Variants in TNIK observed in about 807,000 individuals in gnomAD.
TNIK encodes the protein TRAF2 and NCK-interacting protein kinase.
Under a neutral mutation model 191.3 loss-of-function variants are expected in TNIK, and 49 were observed. That is an observed-to-expected ratio of 0.26 (90% CI 0.20 to 0.32). TNIK has a LOEUF of 0.32. Among genes scored for constraint, TNIK ranks in the 10% least tolerant of loss-of-function variants. TNIK has a pLI of 1.00. For synonymous variants in TNIK, 594 were observed against 600.9 expected (o/e 0.99, Z 0.17); for missense variants, 1,155 against 1,702.3 (o/e 0.68, Z 5.66).
intron 18 of TNIK, among the ~76,000 whole-genome samples, chr3:171,118,204 T>G (rs1727071116): frequency 6.6e-6 from 1 of 152,016 alleles, no homozygotes. Flanking sequence ...TCAAAGAGAA[T>G]AAAATACCTA....
chr3:171,291,295 T>C (rs1751656295), intron 2 of TNIK, among the ~76,000 whole-genome samples: 1 of 152,192 alleles, frequency 6.6e-6, no homozygotes, highest in African/African-American at 2.4e-5. Flanking sequence ...CAACAAAATA[T>C]TTTTTATTTA....
At chr3:171,318,677 AT>A (rs918068824) in intron 2 of TNIK, among the ~76,000 whole-genome samples, 7 of 152,080 alleles carry the variant, frequency 4.6e-5, no homozygotes, top group African/African-American at 1.2e-4. Context: ...AGATATCAAA[AT>A]TTTTTTAATT....
chr3:171,379,164 A>C (rs1349596133), intron 1 of TNIK, among the ~76,000 whole-genome samples: 2 of 152,228 alleles, frequency 1.3e-5, no homozygotes, highest in East Asian at 3.8e-4. Flanking sequence ...ATAAAAGATA[A>C]ATAATATTTT....
chr3:171,307,827 A>T (rs568645823), intron 2 of TNIK, among the ~76,000 whole-genome samples: 1 of 152,226 alleles, frequency 6.6e-6, no homozygotes, highest in South Asian at 2.1e-4. Context: ...ATAATACTAT[A>T]ATGTTATAAG....
chr3:171,368,632 T>C lies in TNIK; in HGVS notation c.123+988A>G, dbSNP rs149211222. ...TATAAATGTGTATCCACTTAGAATC[T>C]CGAGAATACCCTATAAATAATACTT... On this transcript the variant is annotated intron_variant, in intron 2 of 32. Coordinates refer to ENST00000436636, the MANE Select transcript of TNIK (RefSeq NM_015028.4). Among the ~76,000 whole-genome samples the C allele has an allele frequency of 2.1e-3, 317 of 152,282 alleles. 1 individual carries two copies. Among genetic ancestry groups the C allele is most frequent in the African/African-American group, 7.4e-3 (306 of 41,562 alleles).
intron 2 of TNIK, among the ~76,000 whole-genome samples, chr3:171,283,494 C>T (rs182346384): frequency 6.6e-6 from 1 of 152,276 alleles, no homozygotes; most frequent in African/African-American, 2.4e-5. Context: ...TCACCATTCA[C>T]CAAGGAGCAG....
chr3:171,221,882 C>A (rs1253549347), intron 3 of TNIK, among the ~76,000 whole-genome samples: 1 of 152,130 alleles, frequency 6.6e-6, no homozygotes, highest in Non-Finnish European at 1.5e-5. Flanking sequence ...GTTCACAGAT[C>A]AGGCTGTCAT....
At chr3:171,357,722 T>C (rs954801226) in intron 2 of TNIK, among the ~76,000 whole-genome samples, 5 of 152,100 alleles carry the variant, frequency 3.3e-5, no homozygotes, top group Non-Finnish European at 5.9e-5. Flanking sequence ...TCAAACCCCA[T>C]TGGGCAGGTG....
At chr3:171,302,928 A>T (rs376827603) in intron 2 of TNIK, among the ~76,000 whole-genome samples, 1 of 152,146 alleles carries the variant, frequency 6.6e-6, no homozygotes, top group South Asian at 2.1e-4. Context: ...TGGTTTCCTT[A>T]TCATAAACAG....
intron 1 of TNIK, among the ~76,000 whole-genome samples, chr3:171,385,434 G>A (rs1718596122): frequency 6.6e-6 from 1 of 152,120 alleles, no homozygotes; most frequent in Admixed American, 6.5e-5. Flanking sequence ...TTTGCTGGAG[G>A]AACCTCCATC....
rs145124130 is a variant in TNIK, at chr3:171,101,579, G to A, written c.2461C>T (p.Arg821Cys). ...TAATCAGTCACCTTCTTCATTGGGCGGTTTGTTTCTTCAATCCGGAGTTCT... is the reference window on the plus strand; with the variant it reads ...TAATCAGTCACCTTCTTCATTGGGCAGTTTGTTTCTTCAATCCGGAGTTCT... ...LRELRIEETNRPMKKVTDYSS... is the reference protein window; with the variant it reads ...LRELRIEETNCPMKKVTDYSS... The change falls in exon 22 of 33, where the codon CGC becomes TGC. Residue 821 changes from arginine (R) to cysteine (C), a missense_variant. By Grantham distance (180) the Arg-to-Cys change is radical. This residue lies in a region of TNIK where 735 missense variants were observed against 848.0 expected (regional missense o/e 0.87). Coordinates refer to ENST00000436636, the MANE Select transcript of TNIK (RefSeq NM_015028.4). 15 of 1,613,076 alleles carry A rather than the reference G, an allele frequency of 9.3e-6. No individual in the cohort carries two copies. The highest frequency in any genetic ancestry group is 4.5e-5 in the East Asian group (2 of 44,856).
At chr3:171,388,074 T>A (rs1369801193) in intron 1 of TNIK, among the ~76,000 whole-genome samples, 1 of 152,200 alleles carries the variant, frequency 6.6e-6, no homozygotes, top group Non-Finnish European at 1.5e-5. Context: ...TACTTGACCA[T>A]CTCCAGGAGT....
chr3:171,355,781 T>G (rs1713956078), intron 2 of TNIK, among the ~76,000 whole-genome samples: 2 of 152,212 alleles, frequency 1.3e-5, no homozygotes, highest in Admixed American at 6.5e-5. Flanking sequence ...CTTGCAGTCA[T>G]GCAAATTATC....
chr3:171,359,250 A>T (rs1714623463), intron 2 of TNIK, among the ~76,000 whole-genome samples: 1 of 152,180 alleles, frequency 6.6e-6, no homozygotes, highest in Admixed American at 6.5e-5. Flanking sequence ...CTCAAGCCAT[A>T]CTCGAAGTAT....
At chr3:171,175,433 T>G in intron 8 of TNIK, 103 bp from the exon 9 acceptor site, 1 of 851,482 alleles carries the variant, frequency 1.2e-6, no homozygotes, top group Non-Finnish European at 1.8e-6. Context: ...CCCACTCAGT[T>G]TACACACCAC....
At chr3:171,106,437 A>T (rs559133881) in intron 21 of TNIK, among the ~76,000 whole-genome samples, 4 of 152,294 alleles carry the variant, frequency 2.6e-5, no homozygotes, top group African/African-American at 9.6e-5. Flanking sequence ...TAAATTTCAC[A>T]AAAGTAGTGC....
At chr3:171,227,201 G>T (rs1743071345) in intron 3 of TNIK, among the ~76,000 whole-genome samples, 1 of 152,086 alleles carries the variant, frequency 6.6e-6, no homozygotes, top group Admixed American at 6.6e-5. Context: ...TTTTAAGTAG[G>T]CTTAGCAAAA....
chr3:171,296,291 GGT>G (rs1329301726), intron 2 of TNIK, among the ~76,000 whole-genome samples: 2 of 152,052 alleles, frequency 1.3e-5, no homozygotes, highest in Non-Finnish European at 2.9e-5. Flanking sequence ...CAAATTAACT[GGT>G]GTTTCATGAG....
At chr3:171,249,159 C>G (rs1159192450) in intron 2 of TNIK, among the ~76,000 whole-genome samples, 1 of 152,204 alleles carries the variant, frequency 6.6e-6, no homozygotes, top group Non-Finnish European at 1.5e-5. Flanking sequence ...AACATGGCAA[C>G]AAAAATAGTT....
Sources: allele counts gnomAD v4.1 joint callset (sites outside exome capture counted in the v4.1 genomes callset), GRCh38; gene constraint gnomAD v4.1.1; regional missense constraint gnomAD v4.1.1; transcripts MANE v1.5; gene names NCBI Gene and HGNC (gene_info 2026-07-23, HGNC 2026-07-21).